The following NUCKS1 variants were observed in gnomAD, a reference collection of about 807,000 sequenced individuals.
NUCKS1 encodes the protein nuclear ubiquitous casein and cyclin-dependent kinase substrate 1.
A neutral mutation model predicts 33.0 loss-of-function variants in NUCKS1; 2 were observed. The ratio of observed to expected loss-of-function variants is 0.06; its 90% CI spans 0.02 to 0.19. The LOEUF (loss-of-function observed/expected upper bound fraction) is 0.19. Ranked by LOEUF, NUCKS1 falls within the 10% of genes least tolerant of loss-of-function variation. The pLI is 1.00. For synonymous variants in NUCKS1, 106 were observed against 102.8 expected, an observed-to-expected ratio of 1.03 and a Z score of -0.19; for missense variants, 201 against 293.6, an observed-to-expected ratio of 0.68 and a Z score of 2.31.
intron 1 of NUCKS1, among the ~76,000 whole-genome samples, chr1:205,743,513 A>C (rs1475053026): frequency 6.6e-6 from 1 of 152,206 alleles, no homozygotes; most frequent in African/African-American, 2.4e-5. Flanking sequence ...ATTTCCTTCT[A>C]ATTTTAATGC....
At chr1:205,748,592 A>G (rs369705511) in intron 1 of NUCKS1, among the ~76,000 whole-genome samples, 7 of 152,220 alleles carry the variant, frequency 4.6e-5, no homozygotes, top group Admixed American at 1.3e-4. Context: ...ATTGAAACAG[A>G]GCTAACAGCA....
intron 1 of NUCKS1, among the ~76,000 whole-genome samples, chr1:205,745,975 G>A (rs1398579303): frequency 6.6e-6 from 1 of 152,136 alleles, no homozygotes; most frequent in Non-Finnish European, 1.5e-5. Context: ...CATGTATGTT[G>A]AGCAAAAGTG....
At chr1:205,727,125 G>A (rs1300747148) in intron 3 of NUCKS1, among the ~76,000 whole-genome samples, 2 of 151,830 alleles carry the variant, frequency 1.3e-5, no homozygotes, top group East Asian at 1.9e-4. Flanking sequence ...CACCATTCCC[G>A]GCCAATTTTT....
intron 2 of NUCKS1, among the ~76,000 whole-genome samples, chr1:205,728,517 T>C (rs1653830797): frequency 6.6e-6 from 1 of 152,176 alleles, no homozygotes; most frequent in South Asian, 2.1e-4. Context: ...CATTAACAGA[T>C]TATTCTAAGT....
chr1:205,717,560 T>G lies in NUCKS1; in HGVS notation c.*720A>C. 1 of 984,942 alleles carries G rather than the reference T, an allele frequency of 1.0e-6. No homozygotes were observed. Among genetic ancestry groups the G allele is most frequent in the Non-Finnish European group, 1.2e-6 (1 of 830,010 alleles). The allele number at this position is 984,942 out of a possible 1,614,324, so 61.0% of individuals were successfully genotyped here. A position where few individuals can be genotyped will look rare whatever the true frequency, so the allele number is the denominator to read the frequency against. ...ATAAAAGGATCACTGGCTCCGAGTC[T>G]CTTTGAGATAACAAGTGATGAAATA... On this transcript the variant is annotated 3_prime_UTR_variant, in exon 7 of 7. Coordinates refer to ENST00000367142, the MANE Select transcript of NUCKS1 (RefSeq NM_022731.5).
chr1:205,734,809 C>T (rs1653993104), intron 1 of NUCKS1, among the ~76,000 whole-genome samples: 2 of 152,152 alleles, frequency 1.3e-5, no homozygotes, highest in Admixed American at 1.3e-4. Context: ...GCACAAGAAT[C>T]GCTTGAACCC....
In NUCKS1 at chr1:205,749,947, C is replaced by T. The variant is rs748868038; in HGVS notation, c.17+10G>A. 6.2e-7 allele frequency: 1 copy of T among 1,610,314 alleles called. No individual in the cohort carries two copies. The highest frequency in any genetic ancestry group is 8.5e-7 in the Non-Finnish European group (1 of 1,178,066). On this transcript the variant is annotated intron_variant, in intron 1 of 6. Coordinates refer to ENST00000367142, the MANE Select transcript of NUCKS1 (RefSeq NM_022731.5). ...TCCAACCCGCTCCAGGCCTCAGACT[C>T]CGCACTGACCTGACAGGCCGCGACA...
chr1:205,726,964 G>A (rs569311302), intron 3 of NUCKS1, among the ~76,000 whole-genome samples: 1 of 151,014 alleles, frequency 6.6e-6, no homozygotes, highest in South Asian at 2.1e-4. Context: ...TCCTCGTCTT[G>A]TTGTTGTTTT....
At chr1:205,739,251 T>C (rs1414290170) in intron 1 of NUCKS1, among the ~76,000 whole-genome samples, 1 of 152,238 alleles carries the variant, frequency 6.6e-6, no homozygotes, top group East Asian at 1.9e-4. Flanking sequence ...TTGATGCAGC[T>C]TCTCAAACCT....
chr1:205,744,523 A>G (rs1247377658), intron 1 of NUCKS1, among the ~76,000 whole-genome samples: 1 of 152,094 alleles, frequency 6.6e-6, no homozygotes, highest in Non-Finnish European at 1.5e-5. Context: ...AGAAATCCAA[A>G]AAGTTCTGAA....
At chr1:205,744,059 G>GT (rs1558056539) in intron 1 of NUCKS1, among the ~76,000 whole-genome samples, 1 of 152,158 alleles carries the variant, frequency 6.6e-6, no homozygotes, top group East Asian at 1.9e-4. Context: ...CCTGTCAGGT[G>GT]TATCTCCCCT....
rs368966850 is a variant in NUCKS1 at position 205,720,593 on chromosome 1, G to T, written c.290C>A (p.Ser97Tyr). The T allele has an allele frequency of 6.8e-6, 11 of 1,613,970 alleles. No homozygotes were observed. The highest frequency in any genetic ancestry group is 9.3e-6 in the Non-Finnish European group (11 of 1,179,994). The stretch of plus-strand genomic sequence containing the variant: ...CTCTCTCTGTTTAGAAGCTGCTTTA[G>T]ATGCCGCCTGCCGTTGTTGGCGCAC... ...KNVRQQRQAA[S>Y]KAASKQREML... Residue 97 changes from serine (S) to tyrosine (Y), a missense_variant, in exon 5 of 7, where the codon TCT (serine) becomes TAT (tyrosine). By Grantham distance (144) the Ser-to-Tyr change is moderately radical. Coordinates refer to ENST00000367142, the MANE Select transcript of NUCKS1 (RefSeq NM_022731.5).
intron 1 of NUCKS1, 65 bp downstream of exon 1, chr1:205,749,892 C>A (rs949820597): frequency 1.2e-5 from 18 of 1,527,420 alleles, no homozygotes; most frequent in South Asian, 3.5e-5. Context: ...TTCTGTCCCC[C>A]ACTCTTTTCA....
At position 205,713,395 on chromosome 1, in the gene NUCKS1, C is replaced by G. The variant is rs557018497; in HGVS notation, c.*4885G>C. On this transcript the variant is annotated 3_prime_UTR_variant, in exon 7 of 7. Coordinates refer to ENST00000367142, the MANE Select transcript of NUCKS1 (RefSeq NM_022731.5). ...ATACAAAATACAAGCAAAGGATACA[C>G]ATACTTAAAACAGAGCTCAGGAGCA... 1 of 152,158 alleles carries G rather than the reference C, an allele frequency of 6.6e-6. No individual in the cohort carries two copies. Among genetic ancestry groups the G allele is most frequent in the South Asian group, 2.1e-4 (1 of 4,820 alleles). The allele number at this position is 152,158 out of a possible 1,614,324, so 9.4% of individuals were successfully genotyped here.
At chr1:205,735,094 G>T (rs1188279876) in intron 1 of NUCKS1, among the ~76,000 whole-genome samples, 4 of 152,078 alleles carry the variant, frequency 2.6e-5, no homozygotes, top group Non-Finnish European at 4.4e-5. Context: ...TTAAGTCCCA[G>T]GGCATGAGAG....
intron 1 of NUCKS1, among the ~76,000 whole-genome samples, chr1:205,746,441 TCTCTCTCTCTCTCACACA>T (rs1177865593): frequency 7.4e-5 from 3 of 40,750 alleles, no homozygotes; most frequent in African/African-American, 1.4e-4. Context: ...CTCACTTCTC[TCTCTCTCTCTCTCACACA>T]CACACACACA....
chr1:205,747,659 A>G (rs1330941848), intron 1 of NUCKS1, among the ~76,000 whole-genome samples: 2 of 152,220 alleles, frequency 1.3e-5, no homozygotes, highest in African/African-American at 4.8e-5. Context: ...ACCCCAAAAG[A>G]CGACACAGTG....
chr1:205,749,003 GGGAAT>G (rs1199381464), intron 1 of NUCKS1, among the ~76,000 whole-genome samples: 2 of 152,086 alleles, frequency 1.3e-5, no homozygotes, highest in East Asian at 3.9e-4. Flanking sequence ...CGACAGCTGG[GGGAAT>G]AGCAAACTTG....
chr1:205,742,423 T>C (rs968251342), intron 1 of NUCKS1, among the ~76,000 whole-genome samples: 1 of 152,224 alleles, frequency 6.6e-6, no homozygotes, highest in Non-Finnish European at 1.5e-5. Flanking sequence ...AATATAACTG[T>C]ATAACGATTA....
Sources: allele counts gnomAD v4.1 joint callset (sites outside exome capture counted in the v4.1 genomes callset), GRCh38; gene constraint gnomAD v4.1.1; transcripts MANE v1.5; gene names NCBI Gene and HGNC (gene_info 2026-07-23, HGNC 2026-07-21).